ARHGAP42: variants seen among roughly 807,000 people sequenced by gnomAD.
The protein encoded by ARHGAP42 is rho GTPase-activating protein 42.
ARHGAP42 carries 63 observed loss-of-function variants against 125.0 expected under a neutral mutation model. The ratio of observed to expected loss-of-function variants is 0.50; its 90% CI spans 0.41 to 0.62. The LOEUF is 0.62. ARHGAP42 is among the 20% of genes least tolerant of loss of function. The pLI is 0.00. For missense variants in ARHGAP42, 766 were observed against 1,024.2 expected, an observed-to-expected ratio of 0.75 and a Z score of 3.44; for synonymous variants, 339 against 351.0, an observed-to-expected ratio of 0.97 and a Z score of 0.38.
chr11:100,895,576 T>G, intron 4 of ARHGAP42, among the ~76,000 whole-genome samples: 1 of 150,032 alleles, frequency 6.7e-6, no homozygotes, highest in East Asian at 2.0e-4. Flanking sequence ...CATTCTGCAG[T>G]ACAAGTTCAG....
chr11:100,705,087 T>C (rs978674790), intron 1 of ARHGAP42, among the ~76,000 whole-genome samples: 1 of 151,894 alleles, frequency 6.6e-6, no homozygotes, highest in African/African-American at 2.4e-5. Context: ...CCTTAGGTTA[T>C]GGCTTGGATT....
chr11:100,863,052 AACAC>A (rs1437634905), intron 4 of ARHGAP42, among the ~76,000 whole-genome samples: 27 of 71,918 alleles, frequency 3.8e-4, no homozygotes, highest in Middle Eastern at 5.4e-3. Context: ...AAAAAAAAAA[AACAC>A]AAAACACACA....
At chr11:100,791,243 C>T (rs1863561736) in intron 2 of ARHGAP42, among the ~76,000 whole-genome samples, 1 of 152,116 alleles carries the variant, frequency 6.6e-6, no homozygotes, top group Non-Finnish European at 1.5e-5. Flanking sequence ...TGGCTTGTGT[C>T]AGAGGTTTCT....
intron 4 of ARHGAP42, among the ~76,000 whole-genome samples, chr11:100,893,315 T>A (rs575763546): frequency 2.0e-5 from 3 of 152,242 alleles, no homozygotes; most frequent in South Asian, 4.1e-4. Flanking sequence ...CCTCATGATA[T>A]GGAGAGAAAA....
intron 19 of ARHGAP42, among the ~76,000 whole-genome samples, chr11:100,974,987 G>T (rs977466639): frequency 2.0e-5 from 3 of 151,824 alleles, no homozygotes; most frequent in Admixed American, 2.0e-4. Flanking sequence ...TTATCTCTTG[G>T]GTATCAGTGT....
intron 4 of ARHGAP42, among the ~76,000 whole-genome samples, chr11:100,869,546 T>C (rs1273714624): frequency 6.6e-6 from 1 of 152,110 alleles, no homozygotes; most frequent in East Asian, 1.9e-4. Context: ...TCAGTAGTTA[T>C]CTCTGCATTC....
chr11:100,903,072 C>T (rs1488626610), intron 4 of ARHGAP42, among the ~76,000 whole-genome samples: 2 of 146,938 alleles, frequency 1.4e-5, no homozygotes, highest in Admixed American at 6.9e-5. Flanking sequence ...ACCTTCCTTC[C>T]TTGTCTCACA....
intron 4 of ARHGAP42, among the ~76,000 whole-genome samples, chr11:100,875,092 T>G (rs2135165414): frequency 1.1e-5 from 1 of 94,138 alleles, no homozygotes; most frequent in South Asian, 3.9e-4. Context: ...TCTCTCTCTC[T>G]CTCTCTCTCT....
chr11:100,845,357 T>C (rs1339702528), intron 3 of ARHGAP42, among the ~76,000 whole-genome samples: 3 of 151,124 alleles, frequency 2.0e-5, no homozygotes, highest in African/African-American at 7.3e-5. Flanking sequence ...AGGGAAAGGG[T>C]GGGAAGGGGG....
At chr11:100,730,049 T>TC (rs1445358003) in intron 1 of ARHGAP42, among the ~76,000 whole-genome samples, 2 of 152,124 alleles carry the variant, frequency 1.3e-5, no homozygotes, top group African/African-American at 4.8e-5. Context: ...GACTTTGTGA[T>TC]CCACCTGCCT....
chr11:100,758,028 A>G (rs1034579349), intron 1 of ARHGAP42, among the ~76,000 whole-genome samples: 13 of 152,358 alleles, frequency 8.5e-5, no homozygotes, highest in African/African-American at 3.1e-4. Context: ...CTGTTCATGT[A>G]TAGCCATGAT....
intron 3 of ARHGAP42, among the ~76,000 whole-genome samples, chr11:100,814,957 A>C (rs1027444280): frequency 2.0e-5 from 3 of 152,310 alleles, no homozygotes; most frequent in Admixed American, 2.0e-4. Flanking sequence ...AATCTTGTTC[A>C]TTCTTCAGGC....
intron 16 of ARHGAP42, among the ~76,000 whole-genome samples, chr11:100,963,747 G>C: frequency 6.6e-6 from 1 of 152,112 alleles, no homozygotes; most frequent in East Asian, 1.9e-4. Context: ...TATGAACTAG[G>C]AAATCAGGAC....
chr11:100,704,981 C>G (rs1861455486), intron 1 of ARHGAP42, among the ~76,000 whole-genome samples: 1 of 133,388 alleles, frequency 7.5e-6, no homozygotes, highest in Non-Finnish European at 1.5e-5. Flanking sequence ...CTGAGTGAGC[C>G]TGGGTGAGCC....
intron 1 of ARHGAP42, among the ~76,000 whole-genome samples, chr11:100,763,786 G>A (rs914661098): frequency 5.9e-5 from 9 of 152,114 alleles, no homozygotes; most frequent in Non-Finnish European, 1.0e-4. Flanking sequence ...CACCGTGCCC[G>A]GCTCCTTTGT....
intron 3 of ARHGAP42, among the ~76,000 whole-genome samples, chr11:100,826,472 T>C (rs1419487349): frequency 6.6e-6 from 1 of 152,218 alleles, no homozygotes; most frequent in Non-Finnish European, 1.5e-5. Flanking sequence ...ATTTAATACA[T>C]TTCAAGACTA....
chr11:100,733,764 G>C (rs1862002370), intron 1 of ARHGAP42, among the ~76,000 whole-genome samples: 1 of 135,300 alleles, frequency 7.4e-6, no homozygotes, highest in South Asian at 2.5e-4. Flanking sequence ...AGCAGAGGTT[G>C]CAGTGAGTGG....
At chr11:100,817,833 A>T (rs1223919882) in intron 3 of ARHGAP42, among the ~76,000 whole-genome samples, 1 of 152,192 alleles carries the variant, frequency 6.6e-6, no homozygotes, top group Non-Finnish European at 1.5e-5. Flanking sequence ...ACAGAAGATT[A>T]CTCAGCTATC....
chr11:100,756,427 A>G (rs1022997099), intron 1 of ARHGAP42, among the ~76,000 whole-genome samples: 3 of 152,134 alleles, frequency 2.0e-5, no homozygotes, highest in Non-Finnish European at 4.4e-5. Context: ...AATACAATTT[A>G]TCATCTTAGA....
Sources: gnomAD v4.1 joint callset for allele counts (sites outside exome capture counted in the v4.1 genomes callset) on GRCh38, gnomAD v4.1.1 for gene constraint, MANE v1.5 for transcripts, NCBI Gene and HGNC (gene_info 2026-07-23, HGNC 2026-07-21) for gene names.